Variants in EZH1 observed in about 807,000 individuals in gnomAD.
EZH1 encodes the protein enhancer of zeste 1 polycomb repressive complex 2 subunit.
In EZH1, 33 loss-of-function variants were observed where a neutral mutation model predicts 100.5. The ratio of observed to expected loss-of-function variants is 0.33; its 90% CI spans 0.25 to 0.44. The LOEUF is 0.44. Ranked by LOEUF, EZH1 falls within the 20% of genes least tolerant of loss-of-function variation. The pLI, the probability that EZH1 is intolerant of heterozygous loss-of-function variation, is 1.00. For synonymous variants in EZH1, 272 were observed against 313.8 expected (o/e 0.87, Z 1.41); for missense variants, 475 against 928.4 (o/e 0.51, Z 6.35).
intron 1 of EZH1, among the ~76,000 whole-genome samples, chr17:42,738,221 T>TAG (rs2054104453): frequency 6.6e-6 from 1 of 151,258 alleles, no homozygotes; most frequent in African/African-American, 2.4e-5. Context: ...TTCTTAAACT[T>TAG]AGAGAGACTG....
rs370389011 is a variant in EZH1 at position 42,706,198 on chromosome 17, G to A, written c.1661-13C>T. 5.0e-6 allele frequency: 8 copies of A among 1,602,818 alleles called. No homozygotes were observed. The African/African-American group carries it at 6.7e-5, about 13-fold the overall frequency. ...AAACGATTCTGACCTGGGAAGGGAA[G>A]ACAGGTAAGTCTTAGAAGGGAAATA... is the stretch of plus-strand genomic sequence containing the variant. On this transcript the variant is annotated splice_polypyrimidine_tract_variant and intron_variant, in intron 15 of 20. Coordinates refer to ENST00000428826, the MANE Select transcript of EZH1 (RefSeq NM_001991.5). The surrounding 1 kb of genome is among the most constrained non-coding windows in gnomAD (Gnocchi z 4.4).
At chr17:42,713,054 A>AAAG (rs1555647535) in intron 11 of EZH1, among the ~76,000 whole-genome samples, 155 bp downstream of exon 11, 1,629 of 150,254 alleles carry the variant, frequency 0.011, 38 homozygotes, top group African/African-American at 0.039. Flanking sequence ...AAAAAAAAAA[A>AAAG]AAAAGAAAAT....
intron 1 of EZH1, among the ~76,000 whole-genome samples, chr17:42,736,959 G>T (rs2054076500): frequency 6.6e-6 from 1 of 151,754 alleles, no homozygotes; most frequent in Non-Finnish European, 1.5e-5. Context: ...GCCAGTTGCA[G>T]AACAGGAACT....
intron 4 of EZH1, among the ~76,000 whole-genome samples, chr17:42,725,345 T>C (rs1404737934): frequency 6.6e-6 from 1 of 151,836 alleles, no homozygotes; most frequent in Non-Finnish European, 1.5e-5. Context: ...CACAGCTCAC[T>C]GCAGCCTCTG....
Position 42,737,905 on chromosome 17 carries a change from G to A in EZH1, c.-102-6987C>T, listed in dbSNP as rs1317373823. Among the ~76,000 whole-genome samples the A allele has an allele frequency of 3.9e-5, 6 of 152,154 alleles. No homozygotes were observed. The South Asian group carries it at 6.2e-4, about 16-fold the overall frequency. ...AAAAATTTAAGGAACGGCTGGGTGC[G>A]GTGGCTCACGCCTGCAATCACAGCA... On this transcript the variant is annotated intron_variant, in intron 1 of 20. Transcript: ENST00000428826.
At position 42,718,210 on chromosome 17, in the gene EZH1, C is replaced by A; in HGVS notation, c.932-143G>T. 1 of 865,338 alleles carries A rather than the reference C, an allele frequency of 1.2e-6. No individual in the cohort carries two copies. Among genetic ancestry groups the A allele is most frequent in the South Asian group, 1.7e-5 (1 of 60,194 alleles). 53.6% of individuals were successfully genotyped at this position (865,338 alleles called of 1,614,324 possible). Reference sequence around the variant, plus strand: ...CAGGGTGCACAAAATTCAGTCATTTCTGACATCAACACAATGCTTTCAAAG... The same window carrying A: ...CAGGGTGCACAAAATTCAGTCATTTATGACATCAACACAATGCTTTCAAAG... On this transcript the variant is annotated intron_variant, in intron 9 of 20. Transcript: ENST00000428826. This position sits in a 1 kb window ranked among gnomAD's most constrained non-coding sequence, Gnocchi z 4.2.
In EZH1 at chr17:42,720,339, C is replaced by G; in HGVS notation, c.598G>C (p.Gly200Arg). 6.2e-7 allele frequency: 1 copy of G among 1,614,172 alleles called. No individual in the cohort carries two copies. Among genetic ancestry groups the G allele is most frequent in the Non-Finnish European group, 8.5e-7 (1 of 1,180,034 alleles). ...EEEGHNDTSDGKQDDSKEDLP... is the reference protein window; with the variant it reads ...EEEGHNDTSDRKQDDSKEDLP... ...TCTTCTTTGCTGTCATCCTGCTTTC[C>G]ATCTGAGGTGTCATTGTGCCCTTCC... Residue 200 changes from glycine to arginine, a missense_variant, in exon 7 of 21, where the codon GGA (glycine) becomes CGA (arginine). Physicochemically the swap from Gly to Arg is moderately radical, Grantham distance 125. Around this residue, in one of 8 missense-constraint regions of EZH1, gnomAD observed 180 missense variants for 295.3 expected, o/e 0.61. Transcript: ENST00000428826.
intron 1 of EZH1, among the ~76,000 whole-genome samples, chr17:42,737,211 C>T (rs1393111711): frequency 1.3e-5 from 2 of 152,000 alleles, no homozygotes; most frequent in African/African-American, 4.8e-5. Flanking sequence ...GTCTTGAACT[C>T]CTGACCTCAG....
At chr17:42,716,110 G>T (rs1041869082) in intron 10 of EZH1, among the ~76,000 whole-genome samples, 2 of 150,674 alleles carry the variant, frequency 1.3e-5, no homozygotes, top group African/African-American at 4.9e-5. Context: ...TCCTGGTTTG[G>T]AAACAAAACA....
At chr17:42,715,448 T>C (rs2053583332) in intron 10 of EZH1, among the ~76,000 whole-genome samples, 1 of 151,752 alleles carries the variant, frequency 6.6e-6, no homozygotes, top group African/African-American at 2.4e-5. Flanking sequence ...GGTTTTGCCA[T>C]GTTGCCCAGG....
chr17:42,713,511 G>T, intron 10 of EZH1, 122 bp from the exon 11 acceptor site: 2 of 864,318 alleles, frequency 2.3e-6, no homozygotes, highest in Non-Finnish European at 3.2e-6. Flanking sequence ...CTTTTTCTCT[G>T]TACCATATAA....
rs1041665637 is a variant in EZH1 at position 42,714,877 on chromosome 17, T to A, written c.1024-1488A>T. Among the ~76,000 whole-genome samples, 5 of 138,608 alleles carry A rather than the reference T, an allele frequency of 3.6e-5. No individual in the cohort carries two copies. In the South Asian group the frequency reaches 8.4e-4, roughly 23 times the overall value. 90.9% of individuals were successfully genotyped at this position (138,608 alleles called of 152,430 possible). A position where few individuals can be genotyped will look rare whatever the true frequency, so the allele number is the denominator to read the frequency against. On this transcript the variant is annotated intron_variant, in intron 10 of 20. Transcript: ENST00000428826. ...ATATTTACATATAATTTTTATATAT[T>A]ATATATATAATATATAATATGGAAA...
intron 10 of EZH1, 29 bp from the exon 11 acceptor site, chr17:42,713,418 T>C (rs2053528717): frequency 1.3e-6 from 2 of 1,571,860 alleles, no homozygotes; most frequent in Non-Finnish European, 1.7e-6. Context: ...AGACAGGAAA[T>C]AGGAACAGGC....
At chr17:42,704,742 C>A (rs1016642986) in intron 17 of EZH1, 59 bp from the exon 18 acceptor site, 1 of 1,410,034 alleles carries the variant, frequency 7.1e-7, no homozygotes, top group African/African-American at 1.4e-5. Context: ...GGGCATGGTA[C>A]CCTGCCCCCA....
At chr17:42,739,350 A>C (rs901442956) in intron 1 of EZH1, among the ~76,000 whole-genome samples, 1 of 152,324 alleles carries the variant, frequency 6.6e-6, no homozygotes, top group East Asian at 1.9e-4. Flanking sequence ...TACACACAGA[A>C]AGAACCTTCC....
intron 10 of EZH1, chr17:42,714,677 G>GAA: frequency 8.3e-6 from 2 of 240,522 alleles, no homozygotes; most frequent in Non-Finnish European, 1.7e-5. Context: ...TAATAAAAAT[G>GAA]AAAAAAAAAT....
At chr17:42,720,993 A>G (rs1459525330) in intron 6 of EZH1, among the ~76,000 whole-genome samples, 1 of 152,172 alleles carries the variant, frequency 6.6e-6, no homozygotes, top group Non-Finnish European at 1.5e-5. Flanking sequence ...CCTCAGTCAC[A>G]AGTCAACTCT....
intron 10 of EZH1, chr17:42,714,558 G>T: frequency 3.4e-6 from 1 of 296,294 alleles, no homozygotes; most frequent in South Asian, 3.8e-5. Context: ...GAATGTATTG[G>T]TGCAGGAGCA....
chr17:42,733,939 C>CAAAAAA, intron 1 of EZH1, among the ~76,000 whole-genome samples: 1 of 50,066 alleles, frequency 2.0e-5, no homozygotes, highest in East Asian at 5.2e-4. Context: ...GACTCCATCT[C>CAAAAAA]AAAAAAAAAA....
Sources: allele counts gnomAD v4.1 joint callset (sites outside exome capture counted in the v4.1 genomes callset), GRCh38; gene constraint gnomAD v4.1.1; regional missense constraint gnomAD v4.1.1; non-coding constraint Gnocchi (gnomAD v3.1); transcripts MANE v1.5; gene names NCBI Gene and HGNC (gene_info 2026-07-23, HGNC 2026-07-21).